Variants in WRN observed in about 807,000 individuals in gnomAD.
WRN encodes WRN RecQ like helicase.
In WRN, 149 loss-of-function variants were observed where a neutral mutation model predicts 180.7. The ratio of observed to expected loss-of-function variants is 0.82; its 90% CI spans 0.72 to 0.94. The LOEUF (loss-of-function observed/expected upper bound fraction) is 0.94. Ranked by LOEUF, WRN falls within the 40% of genes least tolerant of loss-of-function variation. The pLI is 0.00. For synonymous variants in WRN, 548 were observed against 568.9 expected (o/e 0.96, Z 0.52); for missense variants, 1,661 against 1,700.1 (o/e 0.98, Z 0.40).
At chr8:31,109,341 A>G (rs1482964639) in intron 18 of WRN, among the ~76,000 whole-genome samples, 1 of 152,228 alleles carries the variant, frequency 6.6e-6, no homozygotes, top group Non-Finnish European at 1.5e-5. Context: ...TGTAGAAGCA[A>G]CATTCTTAGC....
At chr8:31,172,090 TATTTA>T (rs1458628779) in intron 34 of WRN, among the ~76,000 whole-genome samples, 2 of 152,142 alleles carry the variant, frequency 1.3e-5, no homozygotes, top group Non-Finnish European at 2.9e-5. Flanking sequence ...CTACTTAAAT[TATTTA>T]ATTTTTTTTC....
At chr8:31,161,110 C>T (rs1225153745) in intron 33 of WRN, among the ~76,000 whole-genome samples, 3 of 151,002 alleles carry the variant, frequency 2.0e-5, no homozygotes, top group African/African-American at 7.3e-5. Context: ...TTGGTCTAGT[C>T]AGTAAGAGCA....
intron 1 of WRN, among the ~76,000 whole-genome samples, chr8:31,038,706 G>A (rs1024894730): frequency 5.9e-5 from 9 of 152,108 alleles, no homozygotes; most frequent in Non-Finnish European, 1.3e-4. Context: ...GGAGTTTTAA[G>A]TAAATTCTTG....
At chr8:31,124,288 A>AT (rs996077539) in intron 21 of WRN, among the ~76,000 whole-genome samples, 1 of 151,780 alleles carries the variant, frequency 6.6e-6, no homozygotes, top group Non-Finnish European at 1.5e-5. Context: ...CACAGGAAGA[A>AT]TTTTTTTTCA....
At chr8:31,076,997 GA>G (rs1224341648) in intron 8 of WRN, among the ~76,000 whole-genome samples, 3 of 152,142 alleles carry the variant, frequency 2.0e-5, no homozygotes, top group Non-Finnish European at 4.4e-5. Context: ...TGAACAATTA[GA>G]ATGTGGTAAT....
chr8:31,172,048 T>C (rs1441841529), intron 34 of WRN, among the ~76,000 whole-genome samples: 2 of 152,166 alleles, frequency 1.3e-5, no homozygotes, highest in Non-Finnish European at 2.9e-5. Context: ...ATAACATAAG[T>C]GTATGACACT....
intron 34 of WRN, 136 bp downstream of exon 34, chr8:31,167,366 C>G (rs1803941600): frequency 2.6e-6 from 2 of 769,296 alleles, no homozygotes; most frequent in Non-Finnish European, 4.1e-6. Flanking sequence ...ATTTCCTTTG[C>G]TTTTCATAAA....
intron 33 of WRN, among the ~76,000 whole-genome samples, chr8:31,158,404 CTT>C (rs11331524): frequency 2.7e-5 from 4 of 148,792 alleles, no homozygotes; most frequent in East Asian, 2.0e-4. Context: ...AATTATTATC[CTT>C]TTTTTTTTTA....
chr8:31,135,954 A>G (rs1281922280), intron 24 of WRN, among the ~76,000 whole-genome samples: 3 of 152,194 alleles, frequency 2.0e-5, no homozygotes, highest in Admixed American at 6.5e-5. Flanking sequence ...CCGATCAGTT[A>G]GATTTCCACA....
intron 8 of WRN, among the ~76,000 whole-genome samples, chr8:31,078,822 G>A (rs765269235): frequency 6.6e-5 from 10 of 152,192 alleles, no homozygotes; most frequent in South Asian, 4.1e-4. Context: ...GTGCCTTACT[G>A]AAGAAGGCAG....
chr8:31,163,870 T>G (rs201600919), intron 33 of WRN, among the ~76,000 whole-genome samples: 13 of 138,362 alleles, frequency 9.4e-5, no homozygotes, highest in Admixed American at 5.8e-4. Flanking sequence ...TTTTTTTTTT[T>G]GAGACAAGGT....
At chr8:31,038,243 T>G (rs1811520985) in intron 1 of WRN, among the ~76,000 whole-genome samples, 1 of 152,174 alleles carries the variant, frequency 6.6e-6, no homozygotes, top group African/African-American at 2.4e-5. Context: ...CTTAATTTCC[T>G]TTTTTAAAAA....
At chr8:31,146,644 A>G (rs936967981) in intron 28 of WRN, among the ~76,000 whole-genome samples, 3 of 152,302 alleles carry the variant, frequency 2.0e-5, no homozygotes, top group African/African-American at 7.2e-5. Flanking sequence ...ATGATGTTAT[A>G]GCAAGGATCA....
intron 8 of WRN, among the ~76,000 whole-genome samples, chr8:31,076,809 A>G (rs925906613): frequency 6.6e-6 from 1 of 152,190 alleles, no homozygotes; most frequent in Non-Finnish European, 1.5e-5. Flanking sequence ...TTCCAATTTT[A>G]GAGATTCTTT....
chr8:31,145,576 C>T (rs1395754350), intron 28 of WRN, among the ~76,000 whole-genome samples: 1 of 152,142 alleles, frequency 6.6e-6, no homozygotes, highest in East Asian at 1.9e-4. Flanking sequence ...GTTTTCATGC[C>T]TGCTCGCTTA....
In WRN at chr8:31,102,340, A is replaced by G. The variant is rs115464543; in HGVS notation, c.2088+1385A>G. On this transcript the variant is annotated intron_variant, in intron 18 of 34. Transcript: ENST00000298139. ...TTAGTTTTTTTCACTCAACATAACTACCTTGAGATCTATCCAAGTTGTTTG... is the reference window on the plus strand; with the variant it reads ...TTAGTTTTTTTCACTCAACATAACTGCCTTGAGATCTATCCAAGTTGTTTG... Among the ~76,000 whole-genome samples the G allele has an allele frequency of 4.7e-3, 722 of 152,322 alleles. 6 individuals are homozygous for G. Among genetic ancestry groups the G allele is most frequent in the African/African-American group, 0.016 (685 of 41,572 alleles).
chr8:31,035,282 T>C (rs1269107585), intron 1 of WRN, among the ~76,000 whole-genome samples: 1 of 151,756 alleles, frequency 6.6e-6, no homozygotes, highest in Non-Finnish European at 1.5e-5. Context: ...AGTGTGTGTG[T>C]GTGTTGTGGG....
rs1200476522 is a variant in WRN, at chr8:31,154,677, A to G, written c.3741A>G (p.Val1247=). Reference sequence around the variant, plus strand: ...AAGAAGAACAGAAGACGAGTCTGGTAGCAAAAAATAAAATATGCACACTTT... The same window carrying G: ...AAGAAGAACAGAAGACGAGTCTGGTGGCAAAAAATAAAATATGCACACTTT... The part of the protein sequence containing the change: ...KPQEEQKTSL[V]AKNKICTLSQ... The change falls in exon 32 of 35, where the codon GTA becomes GTG. Residue 1247 remains valine, a synonymous_variant. Transcript: ENST00000298139. The G allele has an allele frequency of 1.9e-6, 3 of 1,613,678 alleles. No individual in the cohort carries two copies. The highest frequency in any genetic ancestry group is 2.2e-5 in the South Asian group (2 of 91,076).
intron 1 of WRN, among the ~76,000 whole-genome samples, chr8:31,039,028 C>T (rs1811551082): frequency 6.6e-6 from 1 of 152,162 alleles, no homozygotes; most frequent in African/African-American, 2.4e-5. Flanking sequence ...CAACTTTGTT[C>T]TTCTTTTCAA....
Sources: gnomAD v4.1 joint callset for allele counts (sites outside exome capture counted in the v4.1 genomes callset) on GRCh38, gnomAD v4.1.1 for gene constraint, MANE v1.5 for transcripts, NCBI Gene and HGNC (gene_info 2026-07-23, HGNC 2026-07-21) for gene names.